PDE1C: variants seen among roughly 807,000 people sequenced by gnomAD.
The protein encoded by PDE1C is dual specificity calcium/calmodulin-dependent 3',5'-cyclic nucleotide phosphodiesterase 1C.
In PDE1C, 62 loss-of-function variants were observed where a neutral mutation model predicts 93.1. The observed-to-expected ratio is 0.67, with a 90% CI of 0.54 to 0.82. The LOEUF (loss-of-function observed/expected upper bound fraction) is 0.82. Ranked by LOEUF, PDE1C falls within the 40% of genes least tolerant of loss-of-function variation. The pLI, the probability that PDE1C is intolerant of heterozygous loss-of-function variation, is 0.00. For missense variants in PDE1C, 742 were observed against 884.6 expected (o/e 0.84, Z 2.04); for synonymous variants, 325 against 310.1 (o/e 1.05, Z -0.50).
At chr7:31,846,233 C>CTTTTTTTTTTTTTT in intron 9 of PDE1C, among the ~76,000 whole-genome samples, 1 of 129,964 alleles carries the variant, frequency 7.7e-6, no homozygotes, top group Non-Finnish European at 1.6e-5. Flanking sequence ...CTTTTTTTTT[C>CTTTTTTTTTTTTTT]TTTTTTTTTT....
intron 1 of PDE1C, among the ~76,000 whole-genome samples, chr7:32,245,036 G>C (rs1808821765): frequency 6.6e-6 from 1 of 152,166 alleles, no homozygotes; most frequent in African/African-American, 2.4e-5. Context: ...TGATGTGACT[G>C]GGCCAGGCCT....
the PDE1C span, among the ~76,000 whole-genome samples, chr7:31,665,128 A>G: frequency 6.6e-6 from 1 of 151,870 alleles, no homozygotes; most frequent in African/African-American, 2.4e-5. Context: ...TCTTCTTGCT[A>G]TTTTCTGAAT....
chr7:32,076,275 A>G (rs139840398), upstream of PDE1C, among the ~76,000 whole-genome samples: 300 of 152,222 alleles, frequency 2.0e-3, 1 homozygote, highest in African/African-American at 6.6e-3. Context: ...TCTTTGAGAA[A>G]CAAGCCATAT....
At chr7:32,192,403 G>C (rs1382030095) in intron 2 of PDE1C, among the ~76,000 whole-genome samples, 1 of 152,086 alleles carries the variant, frequency 6.6e-6, no homozygotes, top group South Asian at 2.1e-4. Context: ...TCGTATTTTT[G>C]TTTACAGATG....
chr7:32,271,853 T>C (rs969623613), intron 1 of PDE1C, among the ~76,000 whole-genome samples: 11 of 152,200 alleles, frequency 7.2e-5, no homozygotes, highest in African/African-American at 2.7e-4. Context: ...GCAGCAGGAC[T>C]TTTTGCTGCA....
At chr7:31,940,033 T>C (rs1289126215) in intron 2 of PDE1C, among the ~76,000 whole-genome samples, 2 of 152,216 alleles carry the variant, frequency 1.3e-5, no homozygotes, top group African/African-American at 4.8e-5. Context: ...CATCCAGCTC[T>C]GGCTGCACAT....
the PDE1C span, among the ~76,000 whole-genome samples, chr7:31,663,246 G>T: frequency 6.6e-6 from 1 of 152,138 alleles, no homozygotes; most frequent in African/African-American, 2.4e-5. Flanking sequence ...GGAAAAGTGG[G>T]CAAGACAAAA....
intron 1 of PDE1C, among the ~76,000 whole-genome samples, chr7:32,343,144 G>C (rs1344590662): frequency 6.6e-6 from 1 of 152,168 alleles, no homozygotes; most frequent in Non-Finnish European, 1.5e-5. Context: ...AGCAGGAAAG[G>C]CAGAAACAGG....
chr7:31,764,233 C>T (rs1583974833), intron 17 of PDE1C, among the ~76,000 whole-genome samples: 1 of 152,142 alleles, frequency 6.6e-6, no homozygotes, highest in East Asian at 1.9e-4. Flanking sequence ...TCACTGCAAC[C>T]TCTCAGGTTT....
At chr7:32,108,557 A>G (rs1399170302) in intron 3 of PDE1C, among the ~76,000 whole-genome samples, 1 of 152,166 alleles carries the variant, frequency 6.6e-6, no homozygotes, top group Admixed American at 6.6e-5. Flanking sequence ...AGAAAATTCT[A>G]GAGATTCAAA....
the PDE1C span, among the ~76,000 whole-genome samples, chr7:31,636,220 T>A: frequency 6.6e-6 from 1 of 152,092 alleles, no homozygotes; most frequent in Non-Finnish European, 1.5e-5. Context: ...GGAACTACAA[T>A]TCAAGATGAA....
At chr7:31,825,406 G>A (rs928446921) in intron 12 of PDE1C, among the ~76,000 whole-genome samples, 3 of 152,108 alleles carry the variant, frequency 2.0e-5, no homozygotes, top group African/African-American at 7.2e-5. Context: ...GAGGGTGTAA[G>A]ATGTGTCTGG....
At chr7:31,900,946 T>A (rs954480686) in intron 2 of PDE1C, among the ~76,000 whole-genome samples, 2 of 151,582 alleles carry the variant, frequency 1.3e-5, no homozygotes, top group Non-Finnish European at 3.0e-5. Flanking sequence ...TAAAAAAAAA[T>A]TTGATGCAGT....
rs184330531 is a variant in PDE1C, at chr7:32,284,555, C to T, written c.85+14096G>A. Among the ~76,000 whole-genome samples, 5 of 152,244 alleles carry T rather than the reference C, an allele frequency of 3.3e-5. No homozygotes were observed. The East Asian group carries it at 9.6e-4, about 29-fold the overall frequency. ...ACCAATGCAAGAGTCTCCTAACTGCCCTCTCTCTTGCCACACCTACTGCTA... is the reference window on the plus strand; with the variant it reads ...ACCAATGCAAGAGTCTCCTAACTGCTCTCTCTCTTGCCACACCTACTGCTA... On this transcript the variant is annotated intron_variant, in intron 1 of 18. Coordinates refer to the PDE1C transcript ENST00000396193.
chr7:31,999,768 A>G (rs1192366636), intron 2 of PDE1C, among the ~76,000 whole-genome samples: 4 of 152,162 alleles, frequency 2.6e-5, no homozygotes, highest in African/African-American at 4.8e-5. Flanking sequence ...GACATGCCTT[A>G]AAGTTTTGGT....
chr7:31,815,521 T>C (rs1001302765), intron 15 of PDE1C, among the ~76,000 whole-genome samples: 8 of 152,078 alleles, frequency 5.3e-5, no homozygotes, highest in Non-Finnish European at 7.4e-5. Flanking sequence ...CAGATATCTA[T>C]TACAGGAAAA....
intron 16 of PDE1C, among the ~76,000 whole-genome samples, chr7:31,803,552 C>T (rs186317816): frequency 6.6e-6 from 1 of 151,954 alleles, no homozygotes; most frequent in Non-Finnish European, 1.5e-5. Context: ...TATCCCTCCC[C>T]CAACCCCACA....
chr7:32,143,514 A>T (rs1009919942), intron 3 of PDE1C, among the ~76,000 whole-genome samples: 9 of 151,932 alleles, frequency 5.9e-5, no homozygotes, highest in African/African-American at 1.7e-4. Flanking sequence ...TCTTCTTGCC[A>T]TTCCCATGTG....
At chr7:32,047,032 GGTGTGT>G (rs60646988) in intron 2 of PDE1C, among the ~76,000 whole-genome samples, 1 of 148,710 alleles carries the variant, frequency 6.7e-6, no homozygotes, top group South Asian at 2.1e-4. Context: ...CTGAAATAGG[GGTGTGT>G]GTGTGTGTGT....
Sources: allele counts gnomAD v4.1 joint callset (sites outside exome capture counted in the v4.1 genomes callset), GRCh38; gene constraint gnomAD v4.1.1; transcripts MANE v1.5; gene names NCBI Gene and HGNC (gene_info 2026-07-23, HGNC 2026-07-21).